The following GREB1L variants were observed in gnomAD, a reference collection of about 807,000 sequenced individuals.
GREB1L encodes the protein GREB1-like protein.
GREB1L carries 17 observed loss-of-function variants against 200.8 expected under a neutral mutation model. The observed-to-expected ratio is 0.08, with a 90% CI of 0.06 to 0.13. The LOEUF is 0.13. Among genes scored for constraint, GREB1L ranks in the 10% least tolerant of loss-of-function variants. GREB1L has a pLI of 1.00. For missense variants in GREB1L, 1,657 were observed against 2,367.7 expected, an observed-to-expected ratio of 0.70 and a Z score of 6.23; for synonymous variants, 789 against 893.0, an observed-to-expected ratio of 0.88 and a Z score of 2.08.
intron 7 of GREB1L, among the ~76,000 whole-genome samples, chr18:21,425,300 T>G (rs1261235159): frequency 1.3e-5 from 2 of 152,218 alleles, no homozygotes; most frequent in African/African-American, 4.8e-5. Flanking sequence ...CATTCATCAG[T>G]TGATGGGCAT....
rs1158446568 is a variant in GREB1L, at chr18:21,515,030, T to A, written c.4902-387T>A. Among the ~76,000 whole-genome samples, 3 of 152,366 alleles carry A rather than the reference T, an allele frequency of 2.0e-5. No individual in the cohort carries two copies. The East Asian group carries it at 5.8e-4, about 29-fold the overall frequency. On this transcript the variant is annotated intron_variant, in intron 28 of 32. Transcript: ENST00000424526. ...CTCAAACACTGTGATTTTGTGTCCTTGTTCCTATTTTGGATTTGAAGCCAG... is the reference window on the plus strand; with the variant it reads ...CTCAAACACTGTGATTTTGTGTCCTAGTTCCTATTTTGGATTTGAAGCCAG...
At position 21,508,549 on chromosome 18, in the gene GREB1L, A is replaced by G. The variant is rs1315250427; in HGVS notation, c.4693A>G (p.Ile1565Val). The G allele has an allele frequency of 9.0e-6, 14 of 1,551,760 alleles. No individual in the cohort carries two copies. Among genetic ancestry groups the G allele is most frequent in the Non-Finnish European group, 9.6e-6 (11 of 1,147,058 alleles). Residue 1565 changes from isoleucine to valine, a missense_variant, in exon 27 of 33, where the codon ATC (isoleucine) becomes GTC (valine). Ile to Val is a conservative substitution (Grantham distance 29, BLOSUM62 3). Transcript: ENST00000424526. ...GTACCGCAAGTACTGGCCCAACCAC[A>G]TCATGCTGGTGCTTCCCGGCATGTT... ...PLYRKYWPNH[I>V]MLVLPGMFNN...
At position 21,525,929 on chromosome 18, in the gene GREB1L, A is replaced by ATATT. The variant is rs761174962; in HGVS notation, c.*3110_*3113dup. Among the ~76,000 whole-genome samples, 9 of 152,208 alleles carry ATATT rather than the reference A, an allele frequency of 5.9e-5. No individual in the cohort carries two copies. The highest frequency in any genetic ancestry group is 9.7e-5 in the African/African-American group (4 of 41,434). ...AAAGGACCCTCAGGAAGGGCAATAA[A>ATATT]TATTTGTAAGTGTAATGACAGACTT... On this transcript the variant is annotated 3_prime_UTR_variant, in exon 33 of 33. Coordinates refer to ENST00000424526, the MANE Select transcript of GREB1L (RefSeq NM_001142966.3).
chr18:21,465,264 C>T (rs2035221192), intron 15 of GREB1L, among the ~76,000 whole-genome samples: 1 of 152,084 alleles, frequency 6.6e-6, no homozygotes, highest in South Asian at 2.1e-4. Context: ...CCCCAAAACC[C>T]ATGCTTAATT....
chr18:21,416,812 G>T (rs1195853396), intron 7 of GREB1L, among the ~76,000 whole-genome samples: 2 of 152,030 alleles, frequency 1.3e-5, no homozygotes, highest in Non-Finnish European at 2.9e-5. Flanking sequence ...GATCACTTGA[G>T]GTCAGGAGTT....
In GREB1L at chr18:21,440,351, T is replaced by C. The variant is rs556103943; in HGVS notation, c.1032T>C (p.Val344=). Residue 344 remains valine, a synonymous_variant, in exon 9 of 33, where the codon GTT becomes GTC. Coordinates refer to ENST00000424526, the MANE Select transcript of GREB1L (RefSeq NM_001142966.3). ...PGSPLPQPGL[V]VPVPTVRPLS... ...CACCTCTCCCCCAACCTGGCTTAGT[T>C]GTACCTGTCCCTACAGTTCGCCCTC... 6.4e-7 allele frequency: 1 copy of C among 1,551,902 alleles called. No homozygotes were observed. The highest frequency in any genetic ancestry group is 1.2e-5 in the South Asian group (1 of 84,046).
chr18:21,518,089 G>A lies in GREB1L; in HGVS notation c.5327G>A (p.Ser1776Asn). Residue 1776 changes from serine to asparagine, a missense_variant, in exon 31 of 33, where the codon AGT becomes AAT. This residue lies in a region of GREB1L where 190 missense variants were observed against 230.2 expected (regional missense o/e 0.83). Coordinates refer to ENST00000424526, the MANE Select transcript of GREB1L (RefSeq NM_001142966.3). Reference protein sequence around the residue: ...LPLQYICAPDSEHTLLAAPAQ... With the variant: ...LPLQYICAPDNEHTLLAAPAQ... ...CTTCAATACATCTGTGCTCCCGACAGTGAACACACACTACTGGCAGCCCCT... is the reference window on the plus strand; with the variant it reads ...CTTCAATACATCTGTGCTCCCGACAATGAACACACACTACTGGCAGCCCCT... 2 of 1,551,622 alleles carry A rather than the reference G, an allele frequency of 1.3e-6. No individual in the cohort carries two copies. Among genetic ancestry groups the A allele is most frequent in the Non-Finnish European group, 1.7e-6 (2 of 1,146,970 alleles).
rs558938271 is a variant in GREB1L at position 21,340,865 on chromosome 18, T to C, written c.-119-25162T>C. Reference sequence around the variant, plus strand: ...GGCCCTAACCAAGATGTTAATAATATACATGAAAGAATTCTATAAAGTAGA... The same window carrying C: ...GGCCCTAACCAAGATGTTAATAATACACATGAAAGAATTCTATAAAGTAGA... On this transcript the variant is annotated intron_variant, in intron 1 of 32. Coordinates refer to ENST00000424526, the MANE Select transcript of GREB1L (RefSeq NM_001142966.3). 3.9e-5 allele frequency among the ~76,000 whole-genome samples: 6 copies of C among 152,290 alleles called. No homozygotes were observed. The South Asian group carries it at 1.2e-3, about 32-fold the overall frequency.
At chr18:21,269,486 C>T (rs1247799158) in intron 1 of GREB1L, among the ~76,000 whole-genome samples, 1 of 152,066 alleles carries the variant, frequency 6.6e-6, no homozygotes, top group Non-Finnish European at 1.5e-5. Context: ...GTGTCAAGAA[C>T]ATTGTAGAGC....
chr18:21,276,124 G>A (rs1283949794), intron 1 of GREB1L, among the ~76,000 whole-genome samples: 3 of 152,102 alleles, frequency 2.0e-5, no homozygotes, highest in South Asian at 2.1e-4. Context: ...TTTTACATGC[G>A]AATGCCTACA....
chr18:21,433,472 A>G (rs1054087103), intron 7 of GREB1L, among the ~76,000 whole-genome samples: 1 of 152,222 alleles, frequency 6.6e-6, no homozygotes, highest in African/African-American at 2.4e-5. Flanking sequence ...GTGTAAGAGC[A>G]TAGCAAACTT....
At position 21,282,714 on chromosome 18, in the gene GREB1L, C is replaced by T. The variant is rs572593802; in HGVS notation, c.-120+40321C>T. Among the ~76,000 whole-genome samples the T allele has an allele frequency of 4.6e-5, 7 of 152,256 alleles. No homozygotes were observed. The South Asian group carries it at 1.5e-3, about 32-fold the overall frequency. On this transcript the variant is annotated intron_variant, in intron 1 of 32. Transcript: ENST00000424526. ...TCCTGGGTTCAAGTGATTCTCCTGC[C>T]TCAGCCTCCCAGGTAGCTGGGACTA...
chr18:21,340,967 C>T (rs547856879), intron 1 of GREB1L, among the ~76,000 whole-genome samples: 77 of 152,312 alleles, frequency 5.1e-4, no homozygotes, highest in African/African-American at 1.7e-3. Context: ...ATACATGCAA[C>T]GTACTTCACA....
At chr18:21,389,625 T>C (rs2040710354) in intron 4 of GREB1L, among the ~76,000 whole-genome samples, 1 of 152,170 alleles carries the variant, frequency 6.6e-6, no homozygotes, top group Non-Finnish European at 1.5e-5. Flanking sequence ...TCAGGCCTTC[T>C]CAACACTAAC....
At chr18:21,263,540 A>C (rs796871150) in intron 1 of GREB1L, among the ~76,000 whole-genome samples, 6 of 152,316 alleles carry the variant, frequency 3.9e-5, no homozygotes, top group African/African-American at 1.4e-4. Flanking sequence ...CTTAAGTCTC[A>C]ACTTGAATTT....
At chr18:21,451,400 G>C (rs563845909) in intron 13 of GREB1L, 159 of 259,016 alleles carry the variant, frequency 6.1e-4, no homozygotes, top group Non-Finnish European at 9.3e-4. Context: ...CCTTGGGCGA[G>C]TTTCTCTCTC....
chr18:21,477,670 C>T (rs1324665272), intron 17 of GREB1L, among the ~76,000 whole-genome samples: 16 of 152,034 alleles, frequency 1.1e-4, no homozygotes, highest in Admixed American at 6.5e-4. Context: ...CCTGTAATCC[C>T]AGCTATTCAG....
chr18:21,264,668 T>A (rs1041288573), intron 1 of GREB1L, among the ~76,000 whole-genome samples: 1 of 81,168 alleles, frequency 1.2e-5, no homozygotes, highest in African/African-American at 4.6e-5. Flanking sequence ...TTTCTCCCCC[T>A]CCCCCCCTCC....
intron 1 of GREB1L, among the ~76,000 whole-genome samples, chr18:21,280,527 G>C (rs1050728689): frequency 6.6e-6 from 1 of 151,826 alleles, no homozygotes; most frequent in African/African-American, 2.4e-5. Flanking sequence ...CTTGTGTGCA[G>C]GTTTGTTTGT....
Sources: gnomAD v4.1 joint callset for allele counts (sites outside exome capture counted in the v4.1 genomes callset) on GRCh38, gnomAD v4.1.1 for gene constraint, gnomAD v4.1.1 regional missense constraint, MANE v1.5 for transcripts, NCBI Gene and HGNC (gene_info 2026-07-23, HGNC 2026-07-21) for gene names.